Variants in KAZN observed in about 807,000 individuals in gnomAD.
The protein encoded by KAZN is kazrin, periplakin interacting protein, also known as kazrin.
A neutral mutation model predicts 87.4 loss-of-function variants in KAZN; 40 were observed. The observed-to-expected ratio is 0.46, with a 90% CI of 0.36 to 0.60. KAZN has a LOEUF of 0.60. Among genes scored for constraint, KAZN ranks in the 20% least tolerant of loss-of-function variants. The pLI is 0.00. For missense variants in KAZN, 898 were observed against 1,073.9 expected (o/e 0.84, Z 2.29); for synonymous variants, 466 against 458.3 (o/e 1.02, Z -0.22).
chr1:14,745,746 C>A (rs1267550496), intron 1 of KAZN, among the ~76,000 whole-genome samples: 1 of 152,160 alleles, frequency 6.6e-6, no homozygotes, highest in Non-Finnish European at 1.5e-5. Flanking sequence ...AACGACTGAT[C>A]CATCCGGAGC....
At chr1:14,685,390 G>A (rs1335030031) in intron 1 of KAZN, among the ~76,000 whole-genome samples, 1 of 152,204 alleles carries the variant, frequency 6.6e-6, no homozygotes, top group Non-Finnish European at 1.5e-5. Flanking sequence ...GGCAGGCTGA[G>A]CTCCAGCAGG....
chr1:14,899,350 G>C (rs1655604473), intron 1 of KAZN, among the ~76,000 whole-genome samples: 1 of 152,164 alleles, frequency 6.6e-6, no homozygotes, highest in African/African-American at 2.4e-5. Context: ...TTCAGCCTCT[G>C]ACCTGATATA....
rs1573261414 is a variant in KAZN, at chr1:15,077,947, T to A, written c.1222+12194T>A. On this transcript the variant is annotated intron_variant, in intron 8 of 14. Coordinates refer to ENST00000376030, the MANE Select transcript of KAZN (RefSeq NM_201628.3). This position sits in a 1 kb window ranked among gnomAD's most constrained non-coding sequence, Gnocchi z 4.8. ...CATTTGATGTACACTCATTAAGTCT[T>A]TCAACGAACACTGACTGAATGTTTC... 6.6e-6 allele frequency among the ~76,000 whole-genome samples: 1 copy of A among 152,258 alleles called. No homozygotes were observed. Among genetic ancestry groups the A allele is most frequent in the East Asian group, 1.9e-4 (1 of 5,180 alleles).
intron 1 of KAZN, among the ~76,000 whole-genome samples, chr1:14,051,108 G>T (rs1642308906): frequency 6.6e-6 from 1 of 152,090 alleles, no homozygotes; most frequent in South Asian, 2.1e-4. Context: ...TGAAGGGAGG[G>T]GGTCAGTGGA....
chr1:15,092,073 A>ATTT lies in KAZN; in HGVS notation c.1223-2090_1223-2088dup, dbSNP rs58871336. ...TTTTGTTTTTTTGTTTTTTTTTTTG[A>ATTT]TTTTTTTTTTTTTTTTTTTGGAGAC... On this transcript the variant is annotated intron_variant, in intron 8 of 14. Transcript: ENST00000376030. 9.1e-3 allele frequency among the ~76,000 whole-genome samples: 688 copies of ATTT among 75,452 alleles called. 27 individuals carry two copies. Among genetic ancestry groups the ATTT allele is most frequent in the African/African-American group, 0.035 (632 of 18,088 alleles). The allele number at this position is 75,452 out of a possible 152,430, so 49.5% of individuals were successfully genotyped here. A position where few individuals can be genotyped will look rare whatever the true frequency, so the allele number is the denominator to read the frequency against.
chr1:14,125,013 A>T (rs1557494714), intron 1 of KAZN, among the ~76,000 whole-genome samples: 1 of 152,114 alleles, frequency 6.6e-6, no homozygotes, highest in Non-Finnish European at 1.5e-5. Flanking sequence ...TGGATAGGGT[A>T]ATGGGTGGTG....
chr1:13,944,888 T>C (rs1328110404), intron 1 of KAZN, among the ~76,000 whole-genome samples: 1 of 152,062 alleles, frequency 6.6e-6, no homozygotes, highest in Admixed American at 6.6e-5. Flanking sequence ...TATAAATAAT[T>C]ATATGTAAAT....
intron 2 of KAZN, among the ~76,000 whole-genome samples, chr1:14,518,709 C>A (rs1036237864): frequency 3.9e-5 from 6 of 152,210 alleles, no homozygotes; most frequent in Non-Finnish European, 7.3e-5. Context: ...TCCAGCACTA[C>A]CACACTGTGT....
At chr1:14,670,563 A>T (rs927037605) in intron 1 of KAZN, among the ~76,000 whole-genome samples, 3 of 152,324 alleles carry the variant, frequency 2.0e-5, no homozygotes, top group Admixed American at 6.5e-5. Flanking sequence ...CCATGAACTC[A>T]TCCCCTCTGA....
chr1:15,098,957 A>G (rs1219425627), intron 10 of KAZN, among the ~76,000 whole-genome samples: 46 of 152,210 alleles, frequency 3.0e-4, no homozygotes, highest in Non-Finnish European at 2.9e-5. Context: ...GCAGCTGGCC[A>G]GATGCGTAAC....
chr1:14,414,498 G>A (rs180824282), intron 2 of KAZN, among the ~76,000 whole-genome samples: 1 of 152,272 alleles, frequency 6.6e-6, no homozygotes, highest in East Asian at 1.9e-4. Flanking sequence ...CATCAACATG[G>A]ATGAAACTGT....
intron 2 of KAZN, among the ~76,000 whole-genome samples, chr1:15,004,238 TC>T (rs1668782972): frequency 6.6e-6 from 1 of 152,126 alleles, no homozygotes; most frequent in Admixed American, 6.5e-5. Context: ...ACCATTGCAC[TC>T]CCCTGTCACA....
rs1234474416 is a variant in KAZN, at chr1:14,773,199, T to C, written c.226+173976T>C. Among the ~76,000 whole-genome samples, 1 of 152,066 alleles carries C rather than the reference T, an allele frequency of 6.6e-6. No homozygotes were observed. Among genetic ancestry groups the C allele is most frequent in the African/African-American group, 2.4e-5 (1 of 41,390 alleles). ...CTTTTGGAGCCTTTCACAATTATCT[T>C]CAGGACAAAGACGGCCCCAACACTT... On this transcript the variant is annotated intron_variant, in intron 1 of 14. Transcript: ENST00000376030. This position sits in a 1 kb window ranked among gnomAD's most constrained non-coding sequence, Gnocchi z 5.9.
At chr1:14,618,586 A>C (rs1426642125) in intron 1 of KAZN, among the ~76,000 whole-genome samples, 23 of 152,210 alleles carry the variant, frequency 1.5e-4, no homozygotes, top group Admixed American at 1.4e-3. Context: ...TAATCCTCAC[A>C]TTGTTTTATT....
intron 2 of KAZN, among the ~76,000 whole-genome samples, chr1:14,979,096 C>T (rs116687735): frequency 5.7e-4 from 87 of 151,758 alleles, no homozygotes; most frequent in African/African-American, 2.0e-3. Flanking sequence ...GTACAGACAG[C>T]GTTCACCATG....
At chr1:14,734,184 C>T (rs575883655) in intron 1 of KAZN, among the ~76,000 whole-genome samples, 1 of 152,198 alleles carries the variant, frequency 6.6e-6, no homozygotes, top group East Asian at 1.9e-4. Context: ...AAAGTAGCAC[C>T]TAACTCAGTG....
At chr1:14,688,428 G>GGCAT (rs1255087260) in intron 1 of KAZN, among the ~76,000 whole-genome samples, 1 of 152,224 alleles carries the variant, frequency 6.6e-6, no homozygotes, top group Non-Finnish European at 1.5e-5. Context: ...GTAAAATGAA[G>GGCAT]GCATGCACAC....
chr1:13,894,207 T>A (rs1638947745), intron 1 of KAZN, among the ~76,000 whole-genome samples: 1 of 152,200 alleles, frequency 6.6e-6, no homozygotes, highest in Admixed American at 6.5e-5. Context: ...CTGGAGTAAC[T>A]TCCATGCTTA....
At chr1:15,085,209 G>A (rs1285998957) in intron 8 of KAZN, among the ~76,000 whole-genome samples, 1 of 152,174 alleles carries the variant, frequency 6.6e-6, no homozygotes, top group Non-Finnish European at 1.5e-5. Context: ...AGAAATTGCT[G>A]TATCGAATAC....
Sources: gnomAD v4.1 joint callset for allele counts (sites outside exome capture counted in the v4.1 genomes callset) on GRCh38, gnomAD v4.1.1 for gene constraint, Gnocchi (gnomAD v3.1) non-coding constraint, MANE v1.5 for transcripts, NCBI Gene and HGNC (gene_info 2026-07-23, HGNC 2026-07-21) for gene names.